The following TMEM132B variants were observed in gnomAD, a reference collection of about 807,000 sequenced individuals.
TMEM132B encodes transmembrane protein 132B.
TMEM132B carries 18 observed loss-of-function variants against 90.8 expected under a neutral mutation model. The ratio of observed to expected loss-of-function variants is 0.20; its 90% CI spans 0.14 to 0.29. TMEM132B has a LOEUF of 0.29. Among genes scored for constraint, TMEM132B ranks in the 10% least tolerant of loss-of-function variants. The probability of loss-of-function intolerance (pLI) is 1.00; values close to 1 mark genes in which losing one functional copy is unlikely to be tolerated. For synonymous variants in TMEM132B, 504 were observed against 523.3 expected (o/e 0.96, Z 0.50); for missense variants, 1,096 against 1,326.8 (o/e 0.83, Z 2.70).
intron 2 of TMEM132B, among the ~76,000 whole-genome samples, chr12:125,409,035 G>A (rs927187442): frequency 2.0e-5 from 3 of 152,174 alleles, no homozygotes; most frequent in African/African-American, 7.2e-5. Context: ...AGACAGTCCT[G>A]GAGTGCATCA....
In TMEM132B at chr12:125,654,883, A is replaced by G; in HGVS notation, c.*173A>G. The G allele has an allele frequency of 1.3e-6, 1 of 752,858 alleles. No homozygotes were observed. The highest frequency in any genetic ancestry group is 3.0e-5 in the Admixed American group (1 of 32,926). The allele number at this position is 752,858 out of a possible 1,614,324, so 46.6% of individuals were successfully genotyped here. The stretch of plus-strand genomic sequence containing the variant: ...TGGAGAGCTATAGAAGCTGGGTTTT[A>G]AGTTTGGAAATGCCTCTAAAACAGC... On this transcript the variant is annotated 3_prime_UTR_variant, in exon 9 of 9. Transcript: ENST00000682704. The surrounding 1 kb of genome is among the most constrained non-coding windows in gnomAD (Gnocchi z 5.8).
At chr12:125,533,479 G>C (rs775963956) in intron 4 of TMEM132B, among the ~76,000 whole-genome samples, 21 of 152,192 alleles carry the variant, frequency 1.4e-4, no homozygotes, top group Non-Finnish European at 2.9e-5. Flanking sequence ...GTTCCTAAAC[G>C]CTTGTTTTCC....
intron 2 of TMEM132B, among the ~76,000 whole-genome samples, chr12:125,384,685 C>G (rs1878776298): frequency 6.6e-6 from 1 of 152,146 alleles, no homozygotes; most frequent in South Asian, 2.1e-4. Context: ...GAGTCTTACT[C>G]TGTCGCTCAG....
At chr12:125,190,673 T>C (rs1243100735) in intron 1 of TMEM132B, among the ~76,000 whole-genome samples, 1 of 7,012 alleles carries the variant, frequency 1.4e-4, no homozygotes, top group Non-Finnish European at 2.6e-4. Flanking sequence ...GAAGGGGTGG[T>C]GATGGGGAAG....
At chr12:125,496,007 T>G (rs992501901) in intron 3 of TMEM132B, among the ~76,000 whole-genome samples, 1 of 152,216 alleles carries the variant, frequency 6.6e-6, no homozygotes, top group African/African-American at 2.4e-5. Context: ...GGAGCTTAAT[T>G]CATTGAGATT....
intron 5 of TMEM132B, among the ~76,000 whole-genome samples, chr12:125,589,343 G>C (rs551563342): frequency 4.7e-4 from 71 of 152,028 alleles, no homozygotes; most frequent in African/African-American, 1.7e-3. Flanking sequence ...TTAGCCGGGC[G>C]TAGTGGCGGG....
rs569387848 is a variant in TMEM132B, at chr12:125,631,454, T to C, written c.1438-12622T>C. ...AATTCACATGCTCAGGAGAAGAATG[T>C]ATATTCTGCAGGCTTTGGATAAAAT... On this transcript the variant is annotated intron_variant, in intron 5 of 8. Coordinates refer to ENST00000682704, the MANE Select transcript of TMEM132B (RefSeq NM_001366854.1). Among the ~76,000 whole-genome samples the C allele has an allele frequency of 2.0e-5, 3 of 152,320 alleles. No homozygotes were observed. In the South Asian group the frequency reaches 6.2e-4, roughly 32 times the overall value.
intron 2 of TMEM132B, among the ~76,000 whole-genome samples, chr12:125,397,013 C>T (rs1879187096): frequency 6.6e-6 from 1 of 151,772 alleles, no homozygotes; most frequent in Non-Finnish European, 1.5e-5. Context: ...GATCTGTTGC[C>T]CAGGCTGGAG....
In TMEM132B at chr12:125,230,730, T is replaced by G. The variant is rs185711561; in HGVS notation, c.67+43864T>G. On this transcript the variant is annotated intron_variant, in intron 1 of 8. Coordinates refer to ENST00000682704, the MANE Select transcript of TMEM132B (RefSeq NM_001366854.1). Reference sequence around the variant, plus strand: ...CTTGTTAGCTAGGATGGTCTCGATCTCCTGACCTCATGATCCGCCCGCCTC... The same window carrying G: ...CTTGTTAGCTAGGATGGTCTCGATCGCCTGACCTCATGATCCGCCCGCCTC... Among the ~76,000 whole-genome samples the G allele has an allele frequency of 1.7e-3, 262 of 151,732 alleles. 1 individual carries two copies. Among genetic ancestry groups the G allele is most frequent in the African/African-American group, 5.9e-3 (246 of 41,356 alleles).
At chr12:125,582,957 A>G (rs1284922155) in intron 4 of TMEM132B, among the ~76,000 whole-genome samples, 1 of 152,066 alleles carries the variant, frequency 6.6e-6, no homozygotes, top group East Asian at 1.9e-4. Context: ...TGAGAAGGTC[A>G]GATCATTCCA....
At chr12:125,577,240 C>T (rs1290300624) in intron 4 of TMEM132B, among the ~76,000 whole-genome samples, 2 of 151,394 alleles carry the variant, frequency 1.3e-5, no homozygotes, top group Non-Finnish European at 3.0e-5. Context: ...TATGAATTTG[C>T]TCTTTTCATC....
intron 2 of TMEM132B, among the ~76,000 whole-genome samples, chr12:125,401,305 T>G (rs1879314519): frequency 6.6e-6 from 1 of 152,184 alleles, no homozygotes; most frequent in Non-Finnish European, 1.5e-5. Flanking sequence ...CTGCGGAATC[T>G]TTGCTCTCCT....
chr12:125,374,615 G>C (rs371560927), intron 2 of TMEM132B, among the ~76,000 whole-genome samples: 24 of 152,000 alleles, frequency 1.6e-4, no homozygotes, highest in East Asian at 1.2e-3. Context: ...TTTCATTGCA[G>C]AGATCCCTCT....
intron 2 of TMEM132B, among the ~76,000 whole-genome samples, chr12:125,392,156 T>C (rs1014851111): frequency 6.6e-6 from 1 of 152,226 alleles, no homozygotes; most frequent in Non-Finnish European, 1.5e-5. Context: ...TAATATTTTT[T>C]TTGAGTTTAT....
At chr12:125,589,364 C>A (rs915565162) in intron 5 of TMEM132B, among the ~76,000 whole-genome samples, 1 of 151,218 alleles carries the variant, frequency 6.6e-6, no homozygotes, top group African/African-American at 2.4e-5. Context: ...GGCCTGTAGT[C>A]CCAGCTACTC....
At chr12:125,261,163 T>C (rs1342735716) in intron 1 of TMEM132B, among the ~76,000 whole-genome samples, 2 of 152,220 alleles carry the variant, frequency 1.3e-5, no homozygotes, top group African/African-American at 2.4e-5. Context: ...CCAGGTATTT[T>C]AGGGCAAAGA....
chr12:125,284,856 G>C (rs1875304967), intron 1 of TMEM132B, among the ~76,000 whole-genome samples: 1 of 152,158 alleles, frequency 6.6e-6, no homozygotes, highest in Admixed American at 6.5e-5. Flanking sequence ...TGTGAGTCCT[G>C]CTTTGCTCTG....
At chr12:125,436,064 T>C (rs533331017) in intron 3 of TMEM132B, among the ~76,000 whole-genome samples, 1 of 152,198 alleles carries the variant, frequency 6.6e-6, no homozygotes, top group East Asian at 1.9e-4. Context: ...GCAAAGCATC[T>C]GGTGGGCGTT....
chr12:125,529,510 A>T (rs1883587607), intron 4 of TMEM132B, among the ~76,000 whole-genome samples: 2 of 152,116 alleles, frequency 1.3e-5, no homozygotes, highest in South Asian at 4.1e-4. Flanking sequence ...CTGTCAAGAG[A>T]GCCTTTCTCT....
Sources: allele counts gnomAD v4.1 joint callset (sites outside exome capture counted in the v4.1 genomes callset), GRCh38; gene constraint gnomAD v4.1.1; non-coding constraint Gnocchi (gnomAD v3.1); transcripts MANE v1.5; gene names NCBI Gene and HGNC (gene_info 2026-07-23, HGNC 2026-07-21).